Variants in L3MBTL4 observed in about 807,000 individuals in gnomAD.
L3MBTL4 encodes lethal(3)malignant brain tumor-like protein 4.
A neutral mutation model predicts 84.5 loss-of-function variants in L3MBTL4; 70 were observed. The observed-to-expected ratio is 0.83, with a 90% CI of 0.68 to 1.01. The LOEUF (loss-of-function observed/expected upper bound fraction) is 1.01. Among genes scored for constraint, L3MBTL4 ranks in the 50% least tolerant of loss-of-function variants. The pLI is 0.00. For synonymous variants in L3MBTL4, 274 were observed against 259.8 expected (o/e 1.05, Z -0.52); for missense variants, 715 against 754.8 (o/e 0.95, Z 0.62).
At chr18:6,142,990 T>A (rs1388159977) in intron 13 of L3MBTL4, among the ~76,000 whole-genome samples, 1 of 152,126 alleles carries the variant, frequency 6.6e-6, no homozygotes, top group Non-Finnish European at 1.5e-5. Flanking sequence ...TAAACAGTTT[T>A]CTCTAAACTG....
chr18:6,107,554 G>A (rs1368763490), intron 14 of L3MBTL4, among the ~76,000 whole-genome samples: 1 of 152,172 alleles, frequency 6.6e-6, no homozygotes, highest in Non-Finnish European at 1.5e-5. Context: ...GTGGTACTTG[G>A]AAGCTTAATA....
chr18:6,347,412 G>A (rs2052964084), intron 1 of L3MBTL4, among the ~76,000 whole-genome samples: 1 of 151,354 alleles, frequency 6.6e-6, no homozygotes, highest in Non-Finnish European at 1.5e-5. Context: ...GGAGGTGATG[G>A]CTATGTTTAT....
At chr18:6,187,054 A>C (rs1420550907) in intron 12 of L3MBTL4, among the ~76,000 whole-genome samples, 2 of 152,318 alleles carry the variant, frequency 1.3e-5, no homozygotes, top group East Asian at 3.9e-4. Context: ...GGCTTCAACA[A>C]TTCTATGCTT....
At chr18:6,250,749 A>G (rs544332100) in intron 5 of L3MBTL4, among the ~76,000 whole-genome samples, 1 of 152,334 alleles carries the variant, frequency 6.6e-6, no homozygotes, top group African/African-American at 2.4e-5. Flanking sequence ...CCTTCACACG[A>G]TAGCTCTCAA....
intron 4 of L3MBTL4, among the ~76,000 whole-genome samples, chr18:6,279,703 T>C (rs1477300315): frequency 2.0e-5 from 3 of 152,150 alleles, no homozygotes; most frequent in Admixed American, 1.3e-4. Context: ...ATATACTCCA[T>C]ATAATTAGGA....
chr18:6,383,714 G>A (rs1049611698), intron 1 of L3MBTL4, among the ~76,000 whole-genome samples: 7 of 152,162 alleles, frequency 4.6e-5, no homozygotes, highest in Non-Finnish European at 8.8e-5. Flanking sequence ...AACCTTCTGC[G>A]TCAATCTCAC....
At chr18:6,260,718 GT>G (rs951921063) in intron 5 of L3MBTL4, 1 of 152,160 alleles carries the variant, frequency 6.6e-6, no homozygotes, top group Non-Finnish European at 1.5e-5. Flanking sequence ...ATAGAATTAA[GT>G]TTTATTTTCA....
rs530689751 is a variant in L3MBTL4 at position 6,260,445 on chromosome 18, C to T, written c.219+3502G>A. The T allele has an allele frequency of 4.6e-5, 7 of 152,242 alleles. No individual in the cohort carries two copies. The South Asian group carries it at 1.0e-3, about 23-fold the overall frequency. The allele number at this position is 152,242 out of a possible 1,614,324, so 9.4% of individuals were successfully genotyped here. A position where few individuals can be genotyped will look rare whatever the true frequency, so the allele number is the denominator to read the frequency against. On this transcript the variant is annotated intron_variant, in intron 5 of 18. Coordinates refer to ENST00000317931, the MANE Select transcript of L3MBTL4 (RefSeq NM_001330559.2). The stretch of plus-strand genomic sequence containing the variant: ...AATGTTTTTCCAGTTGTTTATATGT[C>T]ATCTTTGATTTCTTTTAGCCGTGTT...
At chr18:5,967,957 C>T (rs2052436165) in intron 17 of L3MBTL4, among the ~76,000 whole-genome samples, 1 of 152,250 alleles carries the variant, frequency 6.6e-6, no homozygotes, top group Non-Finnish European at 1.5e-5. Context: ...CCACCACGTT[C>T]CTCACGATCT....
intron 16 of L3MBTL4, among the ~76,000 whole-genome samples, chr18:5,979,066 A>G (rs1295754236): frequency 2.0e-5 from 3 of 152,234 alleles, no homozygotes; most frequent in Admixed American, 1.3e-4. Flanking sequence ...CTGACAACCA[A>G]CGGGGCAGGA....
intron 12 of L3MBTL4, among the ~76,000 whole-genome samples, chr18:6,192,085 G>A (rs1258968336): frequency 2.0e-5 from 3 of 152,048 alleles, no homozygotes; most frequent in Admixed American, 2.0e-4. Flanking sequence ...AATAGAAGGT[G>A]TGTGAGAAGG....
Position 6,264,966 on chromosome 18 carries a change from T to G in L3MBTL4, c.128-928A>C, listed in dbSNP as rs550031851. ...CAAAGGAGGAGGTAATTAAACGCGTTACATGGACATGCCCTTTCAAAACCA... is the reference window on the plus strand; with the variant it reads ...CAAAGGAGGAGGTAATTAAACGCGTGACATGGACATGCCCTTTCAAAACCA... On this transcript the variant is annotated intron_variant, in intron 4 of 18. Coordinates refer to ENST00000317931, the MANE Select transcript of L3MBTL4 (RefSeq NM_001330559.2). Among the ~76,000 whole-genome samples, 82 of 152,346 alleles carry G rather than the reference T, an allele frequency of 5.4e-4. 1 individual carries two copies. Among genetic ancestry groups the G allele is most frequent in the African/African-American group, 1.9e-3 (80 of 41,578 alleles).
chr18:6,290,830 C>T (rs936884376), intron 4 of L3MBTL4, among the ~76,000 whole-genome samples: 1 of 152,120 alleles, frequency 6.6e-6, no homozygotes, highest in Non-Finnish European at 1.5e-5. Flanking sequence ...GCCCAGCGAG[C>T]TGCAAGTTCT....
chr18:6,074,914 T>A (rs1201504020), intron 16 of L3MBTL4, among the ~76,000 whole-genome samples: 4 of 152,054 alleles, frequency 2.6e-5, no homozygotes, highest in African/African-American at 9.7e-5. Flanking sequence ...CATGATCATC[T>A]CTATACAAGC....
chr18:6,315,679 A>G lies in L3MBTL4; in HGVS notation c.-90-3623T>C, dbSNP rs924729494. 5.3e-5 allele frequency among the ~76,000 whole-genome samples: 8 copies of G among 152,170 alleles called. No homozygotes were observed. In the South Asian group the frequency reaches 1.4e-3, roughly 28 times the overall value. On this transcript the variant is annotated intron_variant, in intron 1 of 18. Transcript: ENST00000317931. Reference sequence around the variant, plus strand: ...TGCAAGTTTAGTTATCTGAAACTTAACCACTCAGTACGCTAGCCAAATCCT... The same window carrying G: ...TGCAAGTTTAGTTATCTGAAACTTAGCCACTCAGTACGCTAGCCAAATCCT...
At chr18:6,407,708 T>A (rs1342209652) in intron 1 of L3MBTL4, among the ~76,000 whole-genome samples, 3 of 152,184 alleles carry the variant, frequency 2.0e-5, no homozygotes, top group Non-Finnish European at 2.9e-5. Context: ...AGTAAGCTTG[T>A]CACTAGTTGA....
At chr18:6,195,832 G>A (rs1490192042) in intron 12 of L3MBTL4, among the ~76,000 whole-genome samples, 1 of 152,104 alleles carries the variant, frequency 6.6e-6, no homozygotes, top group African/African-American at 2.4e-5. Context: ...AAGAGAGCAG[G>A]GTTTTTCACA....
chr18:5,961,375 C>T (rs1041488707), intron 17 of L3MBTL4, among the ~76,000 whole-genome samples: 3 of 152,202 alleles, frequency 2.0e-5, no homozygotes, highest in African/African-American at 7.2e-5. Flanking sequence ...CAGGGCATAC[C>T]CTAGGGCTGG....
chr18:6,084,705 C>T lies in L3MBTL4; in HGVS notation c.1374-3754G>A, dbSNP rs569964264. ...CAGACTTGTGCAAGGGCAGATTCTACACAAAGCAGACCAAGAAAGGGCTAC... is the reference window on the plus strand; with the variant it reads ...CAGACTTGTGCAAGGGCAGATTCTATACAAAGCAGACCAAGAAAGGGCTAC... On this transcript the variant is annotated intron_variant, in intron 15 of 18. Transcript: ENST00000317931. 2.6e-5 allele frequency among the ~76,000 whole-genome samples: 4 copies of T among 152,324 alleles called. No homozygotes were observed. The South Asian group carries it at 8.3e-4, about 32-fold the overall frequency.
Sources: allele counts gnomAD v4.1 joint callset (sites outside exome capture counted in the v4.1 genomes callset), GRCh38; gene constraint gnomAD v4.1.1; transcripts MANE v1.5; gene names NCBI Gene and HGNC (gene_info 2026-07-23, HGNC 2026-07-21).